Variants in GRM7 observed in about 807,000 individuals in gnomAD.
The protein encoded by GRM7 is metabotropic glutamate receptor 7.
A neutral mutation model predicts 84.5 loss-of-function variants in GRM7; 35 were observed. The observed-to-expected ratio is 0.41, with a 90% confidence interval of 0.32 to 0.55. GRM7 has a LOEUF of 0.55. Ranked by LOEUF, GRM7 falls within the 20% of genes least tolerant of loss-of-function variation. GRM7 has a pLI of 0.19. For missense variants in GRM7, 1,003 were observed against 1,194.6 expected (o/e 0.84, Z 2.36); for synonymous variants, 487 against 455.1 (o/e 1.07, Z -0.89).
chr3:7,542,735 A>G (rs966602969), intron 7 of GRM7, among the ~76,000 whole-genome samples: 19 of 151,842 alleles, frequency 1.3e-4, no homozygotes, highest in African/African-American at 4.4e-4. Context: ...TTTAGTAGAG[A>G]CAGGTTTTCA....
At chr3:6,954,894 G>C (rs1368901981) in intron 1 of GRM7, among the ~76,000 whole-genome samples, 3 of 152,206 alleles carry the variant, frequency 2.0e-5, no homozygotes, top group African/African-American at 7.2e-5. Flanking sequence ...ATTGGAGGGA[G>C]ATGACTCAAA....
rs927123467 is a variant in GRM7, at chr3:7,124,828, CTT to C, written c.520-21623_520-21622del. Among the ~76,000 whole-genome samples the C allele has an allele frequency of 7.7e-4, 117 of 152,290 alleles. 1 individual carries two copies. Among genetic ancestry groups the C allele is most frequent in the African/African-American group, 2.8e-3 (116 of 41,572 alleles). ...AATGTCTTGTATTCATATTTCATAT[CTT>C]ATATTTCATGATTTAAAACATTAAT... On this transcript the variant is annotated intron_variant, in intron 1 of 9. Transcript: ENST00000357716.
intron 8 of GRM7, among the ~76,000 whole-genome samples, chr3:7,679,091 T>G (rs969242506): frequency 6.6e-6 from 1 of 151,824 alleles, no homozygotes; most frequent in Non-Finnish European, 1.5e-5. Context: ...CCTTTGAGAG[T>G]GTATCAGTAA....
intron 2 of GRM7, among the ~76,000 whole-genome samples, chr3:7,259,866 C>T (rs1301360728): frequency 6.6e-6 from 1 of 151,266 alleles, no homozygotes; most frequent in Admixed American, 6.6e-5. Context: ...GGAATCGCCA[C>T]ACTGCGTTCC....
intron 7 of GRM7, among the ~76,000 whole-genome samples, chr3:7,568,986 T>C (rs1490890208): frequency 3.9e-5 from 6 of 152,268 alleles, no homozygotes; most frequent in East Asian, 1.9e-4. Flanking sequence ...CGGGCGCACA[T>C]TGGGGAACTG....
intron 7 of GRM7, chr3:7,559,303 T>C (rs1438288068): frequency 1.3e-5 from 2 of 152,330 alleles, no homozygotes; most frequent in East Asian, 3.9e-4. Flanking sequence ...CTTTGCTTCT[T>C]ATTTATCACC....
chr3:6,878,401 G>GTGTC (rs1369932444), intron 1 of GRM7, among the ~76,000 whole-genome samples: 3 of 151,604 alleles, frequency 2.0e-5, no homozygotes, highest in Non-Finnish European at 4.4e-5. Flanking sequence ...GTGTGTGTGT[G>GTGTC]TGTGTGTGTG....
At chr3:7,267,473 AC>A (rs1698685503) in intron 2 of GRM7, among the ~76,000 whole-genome samples, 1 of 152,174 alleles carries the variant, frequency 6.6e-6, no homozygotes, top group Non-Finnish European at 1.5e-5. Flanking sequence ...TTAGAATTGT[AC>A]CTTTGTGAGG....
intron 2 of GRM7, among the ~76,000 whole-genome samples, chr3:7,169,087 G>A (rs376530850): frequency 3.3e-4 from 50 of 152,226 alleles, no homozygotes; most frequent in African/African-American, 1.1e-3. Flanking sequence ...CCCAATCTAT[G>A]TGTCCTTTGC....
At chr3:7,152,384 A>G (rs981836561) in intron 2 of GRM7, among the ~76,000 whole-genome samples, 1 of 152,212 alleles carries the variant, frequency 6.6e-6, no homozygotes, top group African/African-American at 2.4e-5. Flanking sequence ...TCATTTCAGT[A>G]TCTGTTTCTG....
intron 8 of GRM7, among the ~76,000 whole-genome samples, chr3:7,629,253 T>C (rs1697759327): frequency 6.6e-6 from 1 of 152,002 alleles, no homozygotes; most frequent in Non-Finnish European, 1.5e-5. Context: ...AGCAAAGAGG[T>C]AGGTAGAGTT....
chr3:7,722,988 T>C (rs1008914165), intron 9 of GRM7, among the ~76,000 whole-genome samples: 1 of 152,194 alleles, frequency 6.6e-6, no homozygotes, highest in South Asian at 2.1e-4. Flanking sequence ...TCAAATTTTT[T>C]TATCATAAGA....
chr3:7,661,267 G>A lies in GRM7; in HGVS notation c.2452-18782G>A, dbSNP rs115507129. 4.4e-3 allele frequency among the ~76,000 whole-genome samples: 665 copies of A among 152,214 alleles called. 3 individuals are homozygous for A. The highest frequency in any genetic ancestry group is 0.014 in the African/African-American group (579 of 41,530). On this transcript the variant is annotated intron_variant, in intron 8 of 9. Coordinates refer to ENST00000357716, the MANE Select transcript of GRM7 (RefSeq NM_000844.4). ...CAAATTTTAGCAAGAGGCCAACAAC[G>A]CAGTAAAAAACAACTGGGCAAAAAT...
intron 1 of GRM7, among the ~76,000 whole-genome samples, chr3:7,107,857 AT>A (rs1322442139): frequency 1.3e-5 from 2 of 152,084 alleles, no homozygotes; most frequent in African/African-American, 4.8e-5. Flanking sequence ...GCCTTTTAGT[AT>A]CCTGGTTTAA....
intron 1 of GRM7, among the ~76,000 whole-genome samples, chr3:7,055,216 T>TCTCTC (rs140330141): frequency 2.0e-5 from 3 of 151,840 alleles, no homozygotes; most frequent in African/African-American, 7.3e-5. Context: ...TCTTCTTCTC[T>TCTCTC]TTTTATTATT....
At chr3:7,724,731 C>G (rs1356382725) in intron 9 of GRM7, among the ~76,000 whole-genome samples, 1 of 152,116 alleles carries the variant, frequency 6.6e-6, no homozygotes, top group East Asian at 1.9e-4. Flanking sequence ...AACCAAGGAC[C>G]TCTCACCATT....
At position 7,741,338 on chromosome 3, in the gene GRM7, G is replaced by A. The variant is rs1206543937; in HGVS notation, c.*932G>A. ...TTCATGCCCCCTTTGACTGATCAGT[G>A]TGATAAGGACTTTAGGAAAAAAAGC... On this transcript the variant is annotated 3_prime_UTR_variant, in exon 10 of 10. Transcript: ENST00000357716. 2 of 152,494 alleles carry A rather than the reference G, an allele frequency of 1.3e-5. No individual in the cohort carries two copies. The highest frequency in any genetic ancestry group is 2.4e-5 in the African/African-American group (1 of 41,402). The allele number at this position is 152,494 out of a possible 1,614,324, so 9.4% of individuals were successfully genotyped here. A position where few individuals can be genotyped will look rare whatever the true frequency, so the allele number is the denominator to read the frequency against.
chr3:7,334,884 C>T (rs941013868), intron 4 of GRM7, among the ~76,000 whole-genome samples: 5 of 151,976 alleles, frequency 3.3e-5, no homozygotes, highest in South Asian at 2.1e-4. Flanking sequence ...TATATATGCA[C>T]CTAACACTGG....
chr3:7,369,740 A>T (rs1156799431), intron 4 of GRM7, among the ~76,000 whole-genome samples: 1 of 152,150 alleles, frequency 6.6e-6, no homozygotes, highest in African/African-American at 2.4e-5. Context: ...TTCATTCATC[A>T]TTCTATTACT....
Sources: allele counts gnomAD v4.1 joint callset (sites outside exome capture counted in the v4.1 genomes callset), GRCh38; gene constraint gnomAD v4.1.1; transcripts MANE v1.5; gene names NCBI Gene and HGNC (gene_info 2026-07-23, HGNC 2026-07-21).